CFAP91: variants seen among roughly 807,000 people sequenced by gnomAD.
CFAP91 encodes cilia and flagella associated protein 91.
In CFAP91, 85 loss-of-function variants were observed where a neutral mutation model predicts 95.9. The ratio of observed to expected loss-of-function variants is 0.89; its 90% CI spans 0.74 to 1.06. The LOEUF is 1.06. Among genes scored for constraint, CFAP91 ranks in the 50% least tolerant of loss-of-function variants. The pLI is 0.00. For missense variants in CFAP91, 962 were observed against 943.4 expected (o/e 1.02, Z -0.26); for synonymous variants, 335 against 327.5 (o/e 1.02, Z -0.25).
chr3:119,706,927 A>G (rs1401330822), intron 2 of CFAP91, 42 bp downstream of exon 2: 2 of 1,482,472 alleles, frequency 1.3e-6, no homozygotes, highest in Admixed American at 1.7e-5. Context: ...ATGAACCTGA[A>G]CCATCTAGTT....
intron 5 of CFAP91, 195 bp downstream of exon 5, chr3:119,710,090 C>G: frequency 3.5e-6 from 2 of 565,762 alleles, no homozygotes; most frequent in Non-Finnish European, 6.2e-6. Context: ...ACCAAAGCAT[C>G]AAGTATATGG....
At chr3:119,715,486 T>G in intron 5 of CFAP91, 76 bp from the exon 6 acceptor site, 2 of 1,227,592 alleles carry the variant, frequency 1.6e-6, no homozygotes, top group Non-Finnish European at 2.4e-6. Context: ...CTTCGAAGAT[T>G]TGTTTCTACT....
In CFAP91 at chr3:119,726,352, G is replaced by C; in HGVS notation, c.860+4G>C. The C allele has an allele frequency of 6.2e-7, 1 of 1,607,222 alleles. No individual in the cohort carries two copies. Among genetic ancestry groups the C allele is most frequent in the Non-Finnish European group, 8.5e-7 (1 of 1,177,106 alleles). On this transcript the variant is annotated splice_donor_region_variant and intron_variant, in intron 7 of 17. Coordinates refer to ENST00000273390, the MANE Select transcript of CFAP91 (RefSeq NM_033364.4). ...TCAGAGAGCAGGAGATTGAAAAGTAGGTTCTCTATCACCCAGACAACTGTT... is the reference window on the plus strand; with the variant it reads ...TCAGAGAGCAGGAGATTGAAAAGTACGTTCTCTATCACCCAGACAACTGTT...
intron 17 of CFAP91, among the ~76,000 whole-genome samples, chr3:119,753,893 A>G (rs999019159): frequency 1.3e-5 from 2 of 152,224 alleles, no homozygotes; most frequent in African/African-American, 4.8e-5. Flanking sequence ...TAAAATAACT[A>G]TGTTGACTAC....
At chr3:119,721,206 A>C (rs1474323343) in intron 6 of CFAP91, among the ~76,000 whole-genome samples, 1 of 152,268 alleles carries the variant, frequency 6.6e-6, no homozygotes, top group Non-Finnish European at 1.5e-5. Context: ...AAAGCCATTC[A>C]TGTAATTTAC....
chr3:119,734,465 G>T (rs532573140), intron 10 of CFAP91, among the ~76,000 whole-genome samples: 2,402 of 14,630 alleles, frequency 0.16, 61 homozygotes, highest in African/African-American at 0.19. Context: ...TTAGGTTACG[G>T]AAGTTCTCTT....
rs565943302 is a variant in CFAP91 at position 119,767,009 on chromosome 3, T to A, written c.*1959T>A. The A allele has an allele frequency of 6.6e-5, 10 of 152,352 alleles. No homozygotes were observed. The South Asian group carries it at 1.9e-3, about 28-fold the overall frequency. 9.4% of individuals were successfully genotyped at this position (152,352 alleles called of 1,614,324 possible). ...CTTGATACCGGCAATCTTTTACTTA[T>A]AATGGCTTGAGTTAAAATGCTCCAA... On this transcript the variant is annotated 3_prime_UTR_variant, in exon 18 of 18. Transcript: ENST00000273390.
intron 1 of CFAP91, among the ~76,000 whole-genome samples, chr3:119,703,934 T>A (rs1049314120): frequency 6.8e-5 from 10 of 147,520 alleles, no homozygotes; most frequent in African/African-American, 2.5e-4. Context: ...TAACCAGCTA[T>A]AAGCATGATT....
At chr3:119,728,872 T>C (rs965016378) in intron 7 of CFAP91, among the ~76,000 whole-genome samples, 32 of 152,234 alleles carry the variant, frequency 2.1e-4, no homozygotes, top group Non-Finnish European at 8.8e-5. Flanking sequence ...GAGTTTTCAC[T>C]CTTCTAGCCT....
chr3:119,719,686 G>A (rs2053643540), intron 6 of CFAP91, among the ~76,000 whole-genome samples: 2 of 152,210 alleles, frequency 1.3e-5, no homozygotes, highest in Admixed American at 1.3e-4. Context: ...CTTGTAGGAA[G>A]CATCAAGAAA....
At chr3:119,730,439 C>T in intron 8 of CFAP91, 62 bp downstream of exon 8, 1 of 1,515,210 alleles carries the variant, frequency 6.6e-7, no homozygotes, top group Admixed American at 1.9e-5. Flanking sequence ...GGATCTTTGA[C>T]CAAACCTGAC....
intron 1 of CFAP91, among the ~76,000 whole-genome samples, chr3:119,705,075 CAT>C: frequency 6.6e-6 from 1 of 152,346 alleles, no homozygotes; most frequent in Admixed American, 6.5e-5. Flanking sequence ...TTAAGCAACA[CAT>C]CTCTATGCTT....
At chr3:119,723,676 G>T (rs1410070740) in intron 6 of CFAP91, among the ~76,000 whole-genome samples, 1 of 152,036 alleles carries the variant, frequency 6.6e-6, no homozygotes, top group Non-Finnish European at 1.5e-5. Context: ...TTCATTTTTG[G>T]TTCATATTTG....
chr3:119,708,778 A>G, intron 4 of CFAP91, 104 bp downstream of exon 4: 1 of 683,862 alleles, frequency 1.5e-6, no homozygotes, highest in Non-Finnish European at 2.5e-6. Flanking sequence ...AACGTGCCAG[A>G]CTCTATTTTA....
chr3:119,703,213 T>G lies in CFAP91; in HGVS notation c.115T>G (p.Phe39Val). The change falls in exon 1 of 18, where the codon TTT becomes GTT. Residue 39 changes from phenylalanine to valine, a missense_variant. By Grantham distance (50) the Phe-to-Val change is conservative. Coordinates refer to ENST00000273390, the MANE Select transcript of CFAP91 (RefSeq NM_033364.4). ...CATCTCCTCCAATCGAGCGTATGAT[T>G]TTCTGTACGGTAAGGACCGCCGCAG... is the stretch of plus-strand genomic sequence containing the variant. ...SHISSNRAYD[F>V]LYDPLFIVSS... The G allele has an allele frequency of 6.2e-7, 1 of 1,612,248 alleles. No individual in the cohort carries two copies. Among genetic ancestry groups the G allele is most frequent in the Non-Finnish European group, 8.5e-7 (1 of 1,179,262 alleles).
At chr3:119,752,626 T>C (rs1464599) in intron 17 of CFAP91, among the ~76,000 whole-genome samples, 33,595 of 152,074 alleles carry the variant, frequency 0.22, 3,862 homozygotes, top group Admixed American at 0.25. Context: ...TTTTCTGACA[T>C]GCAAATTTAA....
rs1326988649 is a variant in CFAP91 at position 119,739,447 on chromosome 3, C to T, written c.1533+121C>T. 1.1e-5 allele frequency: 9 copies of T among 843,608 alleles called. No individual in the cohort carries two copies. The Admixed American group carries it at 1.1e-4, about 11-fold the overall frequency. 52.3% of individuals were successfully genotyped at this position (843,608 alleles called of 1,614,324 possible). A position where few individuals can be genotyped will look rare whatever the true frequency, so the allele number is the denominator to read the frequency against. ...CACCCTGCTATCCTATTCAGCTAAA[C>T]TCTTGAGTTGCCTACCCATTTCCTT... On this transcript the variant is annotated intron_variant, in intron 12 of 17. Transcript: ENST00000273390.
In CFAP91 at chr3:119,737,459, C is replaced by G. The variant is rs2107895074; in HGVS notation, c.1438C>G (p.Pro480Ala). The change falls in exon 11 of 18, where the codon CCA becomes GCA. Residue 480 changes from proline to alanine, a missense_variant. Physicochemically the swap from Pro to Ala is conservative, Grantham distance 27. Transcript: ENST00000273390. ...AATACCTCAACCTCGGCTTCCAACTCCAACCTTGGAAATGACGTCCAATGT... is the reference window on the plus strand; with the variant it reads ...AATACCTCAACCTCGGCTTCCAACTGCAACCTTGGAAATGACGTCCAATGT... Reference protein sequence around the residue: ...NPIPQPRLPTPTLEMTSNEEE... With the variant: ...NPIPQPRLPTATLEMTSNEEE... 1 of 1,605,106 alleles carries G rather than the reference C, an allele frequency of 6.2e-7. No homozygotes were observed.
chr3:119,763,871 A>G (rs989069256), intron 17 of CFAP91, among the ~76,000 whole-genome samples: 1 of 152,120 alleles, frequency 6.6e-6, no homozygotes, highest in Non-Finnish European at 1.5e-5. Context: ...AAAGGATACA[A>G]AATTTCTGTT....
Sources: gnomAD v4.1 joint callset for allele counts (sites outside exome capture counted in the v4.1 genomes callset) on GRCh38, gnomAD v4.1.1 for gene constraint, MANE v1.5 for transcripts, NCBI Gene and HGNC (gene_info 2026-07-23, HGNC 2026-07-21) for gene names.